DYNC2H1: variants seen among roughly 807,000 people sequenced by gnomAD.
DYNC2H1 encodes cytoplasmic dynein 2 heavy chain 1.
In DYNC2H1, 410 loss-of-function variants were observed where a neutral mutation model predicts 570.0. The ratio of observed to expected loss-of-function variants is 0.72; its 90% CI spans 0.66 to 0.78. The LOEUF (loss-of-function observed/expected upper bound fraction) is 0.78, where lower values mean the gene tolerates loss of function less well. DYNC2H1 is among the 30% of genes least tolerant of loss of function. DYNC2H1 has a pLI of 0.00. For missense variants in DYNC2H1, 4,865 were observed against 5,046.4 expected (o/e 0.96, Z 1.09); for synonymous variants, 1,688 against 1,677.6 (o/e 1.01, Z -0.15).
intron 85 of DYNC2H1, among the ~76,000 whole-genome samples, 167 bp downstream of exon 85, chr11:103,436,199 T>A (rs1167731097): frequency 3.3e-5 from 1 of 30,164 alleles, no homozygotes; most frequent in African/African-American, 2.4e-4. Flanking sequence ...ACTGTTCTAT[T>A]TTTTTTTTTT....
Position 103,171,046 on chromosome 11 carries a change from T to C in DYNC2H1, c.5312T>C (p.Val1771Ala), listed in dbSNP as rs778739645. The change falls in exon 34 of 89, where the codon GTA becomes GCA. Residue 1771 changes from valine to alanine, a missense_variant. By Grantham distance (64) the Val-to-Ala change is moderately conservative. Around this residue, in one of 5 missense-constraint regions of DYNC2H1, gnomAD observed 292 missense variants for 300.2 expected, o/e 0.97. Coordinates refer to ENST00000375735, the MANE Select transcript of DYNC2H1 (RefSeq NM_001377.3). The part of the protein sequence containing the change: ...IQDALKNHRT[V>A]CELLGKEVEV... ...GATGCTTTGAAGAATCATAGAACTG[T>C]ATGTGAACTGCTTGGCAAGGAGGTA... The C allele has an allele frequency of 6.2e-7, 1 of 1,602,132 alleles. No individual in the cohort carries two copies. The highest frequency in any genetic ancestry group is 8.5e-7 in the Non-Finnish European group (1 of 1,172,596).
intron 83 of DYNC2H1, among the ~76,000 whole-genome samples, chr11:103,374,144 A>G (rs1036643425): frequency 6.6e-6 from 1 of 152,300 alleles, no homozygotes. Context: ...TTGGAGAATG[A>G]TATGGTTTGA....
rs752551962 is a variant in DYNC2H1, at chr11:103,334,210, C to G, written c.12039+10220C>G. 6.6e-6 allele frequency among the ~76,000 whole-genome samples: 1 copy of G among 152,076 alleles called. No individual in the cohort carries two copies. The highest frequency in any genetic ancestry group is 1.5e-5 in the Non-Finnish European group (1 of 68,006). ...AAAATTTTTCCATCTCTGTTAATTC[C>G]TGAGGCAAACACAATAATCTATTCT... On this transcript the variant is annotated intron_variant, in intron 82 of 88. Transcript: ENST00000375735. This position sits in a 1 kb window ranked among gnomAD's most constrained non-coding sequence, Gnocchi z 4.3.
At chr11:103,219,584 C>A (rs2135146383) in intron 55 of DYNC2H1, among the ~76,000 whole-genome samples, 1 of 152,210 alleles carries the variant, frequency 6.6e-6, no homozygotes, top group South Asian at 2.1e-4. Context: ...TACACTCCAG[C>A]CTGGGCGACA....
chr11:103,267,436 T>A (rs1024570600), intron 70 of DYNC2H1, among the ~76,000 whole-genome samples: 2 of 151,362 alleles, frequency 1.3e-5, no homozygotes, highest in Non-Finnish European at 2.9e-5. Flanking sequence ...AAACCTCACT[T>A]TTTAAGCCTC....
In DYNC2H1 at chr11:103,243,521, G is replaced by A. The variant is rs1342309570; in HGVS notation, c.9820-172G>A. On this transcript the variant is annotated intron_variant, in intron 63 of 88. Coordinates refer to ENST00000375735, the MANE Select transcript of DYNC2H1 (RefSeq NM_001377.3). This position sits in a 1 kb window ranked among gnomAD's most constrained non-coding sequence, Gnocchi z 4.8. ...AAGATTTGTTAATATGGCTTGTGAT[G>A]CAGCTAAAAACTGTATTTTTGTTTC... Among the ~76,000 whole-genome samples the A allele has an allele frequency of 1.3e-5, 2 of 152,048 alleles. No individual in the cohort carries two copies. The highest frequency in any genetic ancestry group is 2.4e-5 in the African/African-American group (1 of 41,400).
chr11:103,311,643 A>G (rs1332306308), intron 78 of DYNC2H1, among the ~76,000 whole-genome samples: 2 of 151,756 alleles, frequency 1.3e-5, no homozygotes, highest in East Asian at 3.9e-4. Context: ...TTTGAATATT[A>G]TTGTATAGAT....
intron 55 of DYNC2H1, among the ~76,000 whole-genome samples, chr11:103,217,072 G>C (rs1301872708): frequency 1.3e-5 from 2 of 151,834 alleles, no homozygotes; most frequent in African/African-American, 4.8e-5. Context: ...TCTCCCTCTT[G>C]GTAACTGTTA....
At chr11:103,184,836 C>G in intron 40 of DYNC2H1, 60 bp from the exon 41 acceptor site, 3 of 1,582,604 alleles carry the variant, frequency 1.9e-6, no homozygotes, top group Non-Finnish European at 2.6e-6. Context: ...CTGTATGGTT[C>G]TATGTTTACT....
At chr11:103,462,292 T>C (rs983487562) in intron 87 of DYNC2H1, among the ~76,000 whole-genome samples, 1 of 148,946 alleles carries the variant, frequency 6.7e-6, no homozygotes, top group Non-Finnish European at 1.5e-5. Context: ...ATTCCAAAGA[T>C]CTAATTACAT....
rs1331234245 is a variant in DYNC2H1, at chr11:103,117,729, T to G, written c.865T>G (p.Ser289Ala). The G allele has an allele frequency of 3.1e-6, 5 of 1,613,206 alleles. No individual in the cohort carries two copies. The East Asian group carries it at 1.1e-4, about 36-fold the overall frequency. Reference protein sequence around the residue: ...LVKESLKAGISICEQWVIVCN... With the variant: ...LVKESLKAGIAICEQWVIVCN... Reference sequence around the variant, plus strand: ...GAAAGAAAGTCTGAAAGCTGGTATTTCAATTTGTGAACAGTGGGTGATAGT... The same window carrying G: ...GAAAGAAAGTCTGAAAGCTGGTATTGCAATTTGTGAACAGTGGGTGATAGT... The change falls in exon 6 of 89, where the codon TCA (serine) becomes GCA (alanine). Residue 289 changes from serine (S) to alanine (A), a missense_variant. Transcript: ENST00000375735.
intron 29 of DYNC2H1, among the ~76,000 whole-genome samples, chr11:103,162,795 A>G (rs1246009132): frequency 6.6e-6 from 1 of 152,168 alleles, no homozygotes; most frequent in African/African-American, 2.4e-5. Flanking sequence ...TCATTATCCT[A>G]AGAGGTGAAA....
intron 83 of DYNC2H1, among the ~76,000 whole-genome samples, chr11:103,390,920 G>A (rs1313757757): frequency 2.6e-5 from 4 of 152,126 alleles, no homozygotes; most frequent in African/African-American, 7.2e-5. Flanking sequence ...CTCTCTGGCT[G>A]CCCTTACCAT....
At position 103,228,946 on chromosome 11, in the gene DYNC2H1, A is replaced by G. The variant is rs574385153; in HGVS notation, c.9354-2314A>G. Among the ~76,000 whole-genome samples, 4 of 152,122 alleles carry G rather than the reference A, an allele frequency of 2.6e-5. No homozygotes were observed. Among genetic ancestry groups the G allele is most frequent in the Admixed American group, 2.0e-4 (3 of 15,266 alleles). On this transcript the variant is annotated intron_variant, in intron 59 of 88. Coordinates refer to ENST00000375735, the MANE Select transcript of DYNC2H1 (RefSeq NM_001377.3). The surrounding 1 kb of genome is among the most constrained non-coding windows in gnomAD (Gnocchi z 6.1). ...GGAGGGGGGTGTGGTTTCCAGTCCA[A>G]TGTAATTATATTCCCAGGGGGATTA...
At chr11:103,471,025 CCCA>C (rs1945368429) in intron 88 of DYNC2H1, among the ~76,000 whole-genome samples, 1 of 152,118 alleles carries the variant, frequency 6.6e-6, no homozygotes, top group Non-Finnish European at 1.5e-5. Context: ...AGTTTACAGT[CCCA>C]CCAACAGTGT....
chr11:103,361,123 C>T (rs1940613607), intron 83 of DYNC2H1, among the ~76,000 whole-genome samples: 1 of 152,060 alleles, frequency 6.6e-6, no homozygotes, highest in Non-Finnish European at 1.5e-5. Flanking sequence ...TAAGGGGATG[C>T]TATGATCTGA....
chr11:103,260,045 T>TTATAGTATAAC, intron 70 of DYNC2H1, 68 bp downstream of exon 70: 1 of 942,018 alleles, frequency 1.1e-6, no homozygotes, highest in Non-Finnish European at 1.5e-6. Flanking sequence ...ATATTTATAG[T>TTATAGTATAAC]TATAGTATAA....
At chr11:103,464,182 G>A (rs1401729221) in intron 87 of DYNC2H1, among the ~76,000 whole-genome samples, 1 of 152,038 alleles carries the variant, frequency 6.6e-6, no homozygotes, top group Non-Finnish European at 1.5e-5. Context: ...ATACATGAAG[G>A]AATAACTTGC....
chr11:103,452,291 T>G (rs1944633877), intron 85 of DYNC2H1, among the ~76,000 whole-genome samples: 2 of 152,142 alleles, frequency 1.3e-5, no homozygotes, highest in South Asian at 4.1e-4. Context: ...GCAAAAACTT[T>G]AAAGGAATTT....
Sources: gnomAD v4.1 joint callset for allele counts (sites outside exome capture counted in the v4.1 genomes callset) on GRCh38, gnomAD v4.1.1 for gene constraint, gnomAD v4.1.1 regional missense constraint, Gnocchi (gnomAD v3.1) non-coding constraint, MANE v1.5 for transcripts, NCBI Gene and HGNC (gene_info 2026-07-23, HGNC 2026-07-21) for gene names.